The following CNTNAP3B variants were observed in gnomAD, a reference collection of about 807,000 sequenced individuals.
CNTNAP3B encodes the protein contactin associated protein family member 3B.
CNTNAP3B carries 25 observed loss-of-function variants against 108.9 expected under a neutral mutation model. That is an observed-to-expected ratio of 0.23 (90% CI 0.17 to 0.32). The LOEUF (loss-of-function observed/expected upper bound fraction) is 0.32. Ranked by LOEUF, CNTNAP3B falls within the 10% of genes least tolerant of loss-of-function variation. CNTNAP3B has a pLI of 1.00. For synonymous variants in CNTNAP3B, 103 were observed against 473.4 expected, an observed-to-expected ratio of 0.22 and a Z score of 10.16; for missense variants, 252 against 1,210.4, an observed-to-expected ratio of 0.21 and a Z score of 11.75.
intron 4 of CNTNAP3B, among the ~76,000 whole-genome samples, chr9:42,010,485 G>A (rs1826113853): frequency 7.2e-6 from 1 of 138,896 alleles, no homozygotes; most frequent in Admixed American, 7.1e-5. Flanking sequence ...CTAAGATTCT[G>A]GGAGTTCCCC....
chr9:41,954,824 C>A (rs1277759141), intron 12 of CNTNAP3B, among the ~76,000 whole-genome samples: 1 of 152,256 alleles, frequency 6.6e-6, no homozygotes, highest in Non-Finnish European at 1.5e-5. Context: ...GCTGGGACTA[C>A]AGGCACACAC....
intron 3 of CNTNAP3B, among the ~76,000 whole-genome samples, chr9:42,041,734 C>T (rs1252765928): frequency 7.2e-6 from 1 of 138,964 alleles, no homozygotes; most frequent in African/African-American, 2.8e-5. Context: ...CATCCCATTA[C>T]TGGGTATATA....
intron 3 of CNTNAP3B, among the ~76,000 whole-genome samples, chr9:42,058,147 C>T (rs1177629928): frequency 1.4e-5 from 2 of 143,702 alleles, no homozygotes; most frequent in East Asian, 2.1e-4. Flanking sequence ...CAAATCTTGG[C>T]TATTATGAAT....
intron 18 of CNTNAP3B, among the ~76,000 whole-genome samples, chr9:41,919,384 G>C (rs1287996690): frequency 6.6e-6 from 1 of 151,434 alleles, no homozygotes; most frequent in Non-Finnish European, 1.5e-5. Flanking sequence ...AAAGTGCTGG[G>C]ATTACAGGCA....
At chr9:42,075,979 C>A (rs899130608) in intron 3 of CNTNAP3B, among the ~76,000 whole-genome samples, 2 of 134,452 alleles carry the variant, frequency 1.5e-5, no homozygotes, top group Non-Finnish European at 3.1e-5. Context: ...CTACCTCAGC[C>A]TCCCAAGTAG....
intron 2 of CNTNAP3B, among the ~76,000 whole-genome samples, chr9:42,096,956 G>T (rs574647811): frequency 1.6e-5 from 2 of 128,566 alleles, no homozygotes; most frequent in South Asian, 2.6e-4. Context: ...TTTTGATGTT[G>T]CCCAGGCTGG....
At chr9:41,951,520 A>G (rs1437452845) in intron 13 of CNTNAP3B, among the ~76,000 whole-genome samples, 2 of 152,208 alleles carry the variant, frequency 1.3e-5, no homozygotes, top group Non-Finnish European at 2.9e-5. Context: ...TATCTCATTT[A>G]TAAAAGAAAC....
At chr9:41,913,739 A>G (rs1464763543) in intron 18 of CNTNAP3B, among the ~76,000 whole-genome samples, 3 of 130,284 alleles carry the variant, frequency 2.3e-5, no homozygotes, top group Admixed American at 2.3e-4. Context: ...TTGTCTATTG[A>G]TATCTAGTAA....
intron 14 of CNTNAP3B, among the ~76,000 whole-genome samples, chr9:41,931,077 C>A (rs1375898978): frequency 6.6e-6 from 1 of 152,252 alleles, no homozygotes; most frequent in African/African-American, 2.4e-5. Flanking sequence ...TTTAAATTGC[C>A]CAGTTCTCAA....
intron 3 of CNTNAP3B, among the ~76,000 whole-genome samples, chr9:42,024,621 CA>C (rs1176745282): frequency 3.8e-5 from 2 of 52,760 alleles, no homozygotes; most frequent in Non-Finnish European, 7.7e-5. Context: ...AACATTAAAA[CA>C]AAAAAAAGGT....
In CNTNAP3B at chr9:42,079,913, T is replaced by C. The variant is rs887415615; in HGVS notation, c.197-2851A>G. ...AGGCTGGATGTTGTACATTGGGAATTTTATACACAGAGCTGAAACTTCTGA... is the reference window on the plus strand; with the variant it reads ...AGGCTGGATGTTGTACATTGGGAATCTTATACACAGAGCTGAAACTTCTGA... On this transcript the variant is annotated intron_variant, in intron 2 of 23. Transcript: ENST00000377561. Among the ~76,000 whole-genome samples the C allele has an allele frequency of 6.1e-5, 8 of 132,156 alleles. 1 individual carries two copies. Among genetic ancestry groups the C allele is most frequent in the African/African-American group, 2.5e-4 (8 of 32,338 alleles). 86.7% of individuals were successfully genotyped at this position (132,156 alleles called of 152,430 possible).
chr9:42,095,513 C>A (rs1827881788), intron 2 of CNTNAP3B, among the ~76,000 whole-genome samples: 1 of 139,256 alleles, frequency 7.2e-6, no homozygotes, highest in South Asian at 2.3e-4. Flanking sequence ...TAATTTGAGG[C>A]TAGAGAAGAT....
intron 1 of CNTNAP3B, among the ~76,000 whole-genome samples, chr9:42,109,462 G>A (rs1262973722): frequency 1.4e-5 from 2 of 147,370 alleles, no homozygotes; most frequent in East Asian, 2.0e-4. Context: ...AAGAATGCAT[G>A]GATAATACAT....
At chr9:42,098,916 C>T (rs1455660093) in intron 2 of CNTNAP3B, among the ~76,000 whole-genome samples, 1 of 132,620 alleles carries the variant, frequency 7.5e-6, no homozygotes, top group Admixed American at 7.6e-5. Context: ...TGGAGCCACA[C>T]AGGCAGCCTG....
intron 2 of CNTNAP3B, among the ~76,000 whole-genome samples, chr9:42,098,739 A>G (rs1168986317): frequency 8.0e-6 from 1 of 125,416 alleles, no homozygotes; most frequent in Admixed American, 8.1e-5. Flanking sequence ...ATACAAGTAA[A>G]TTAATGAAAC....
Position 41,975,201 on chromosome 9 carries a change from G to A in CNTNAP3B, c.1478-4956C>T, listed in dbSNP as rs1436615228. ...ATCAGGCGGCAAGATCATCGTGGGCGACGCCGCAGAGAAAGATGCATTGAA... is the reference window on the plus strand; with the variant it reads ...ATCAGGCGGCAAGATCATCGTGGGCAACGCCGCAGAGAAAGATGCATTGAA... On this transcript the variant is annotated intron_variant, in intron 9 of 23. Transcript: ENST00000377561. 5.9e-4 allele frequency: 112 copies of A among 188,568 alleles called. 14 individuals carry two copies. The highest frequency in any genetic ancestry group is 8.4e-4 in the Non-Finnish European group (81 of 96,662). The allele number at this position is 188,568 out of a possible 1,614,324, so 11.7% of individuals were successfully genotyped here. A position where few individuals can be genotyped will look rare whatever the true frequency, so the allele number is the denominator to read the frequency against.
At chr9:41,936,869 A>G (rs1309108641) in intron 14 of CNTNAP3B, among the ~76,000 whole-genome samples, 55 of 150,730 alleles carry the variant, frequency 3.6e-4, no homozygotes, top group Non-Finnish European at 5.4e-4. Context: ...TAAAAATAAT[A>G]TCCATGTAAA....
intron 9 of CNTNAP3B, among the ~76,000 whole-genome samples, chr9:41,973,175 C>T (rs1207686327): frequency 4.2e-5 from 6 of 144,238 alleles, no homozygotes; most frequent in East Asian, 2.1e-4. Context: ...TTTTGATCTC[C>T]TGACCTCGTG....
chr9:42,041,238 G>C (rs998264328), intron 3 of CNTNAP3B, among the ~76,000 whole-genome samples: 1 of 137,680 alleles, frequency 7.3e-6, no homozygotes, highest in African/African-American at 2.9e-5. Context: ...TTGACAAATG[G>C]GATCTAATTA....
Sources: gnomAD v4.1 joint callset for allele counts (sites outside exome capture counted in the v4.1 genomes callset) on GRCh38, gnomAD v4.1.1 for gene constraint, MANE v1.5 for transcripts, NCBI Gene and HGNC (gene_info 2026-07-23, HGNC 2026-07-21) for gene names.